TP53BP2: variants seen among roughly 807,000 people sequenced by gnomAD.
The protein encoded by TP53BP2 is tumor protein p53 binding protein 2, also known as apoptosis-stimulating of p53 protein 2.
In TP53BP2, 62 loss-of-function variants were observed where a neutral mutation model predicts 126.2. That is an observed-to-expected ratio of 0.49 (90% CI 0.40 to 0.61). The LOEUF (loss-of-function observed/expected upper bound fraction) is 0.61. Ranked by LOEUF, TP53BP2 falls within the 20% of genes least tolerant of loss-of-function variation. TP53BP2 has a pLI of 0.00. For missense variants in TP53BP2, 1,215 were observed against 1,402.8 expected, an observed-to-expected ratio of 0.87 and a Z score of 2.14; for synonymous variants, 485 against 502.9, an observed-to-expected ratio of 0.96 and a Z score of 0.48.
chr1:223,782,888 T>C (rs192601379), intron 17 of TP53BP2, among the ~76,000 whole-genome samples: 25 of 152,308 alleles, frequency 1.6e-4, no homozygotes, highest in Admixed American at 5.2e-4. Flanking sequence ...GAAATGGTTA[T>C]TTCATAATAA....
Position 223,814,351 on chromosome 1 carries a change from G to A in TP53BP2, c.178C>T (p.Arg60Cys), listed in dbSNP as rs771266375. Residue 60 changes from arginine to cysteine, a missense_variant and splice_region_variant, in exon 3 of 18, where the codon CGT (arginine) becomes TGT (cysteine). This residue lies in a region of TP53BP2 where 814 missense variants were observed against 853.0 expected (regional missense o/e 0.95). Transcript: ENST00000343537. ...HLAEVWCGSERPVADNERMFD... is the reference protein window; with the variant it reads ...HLAEVWCGSECPVADNERMFD... Reference sequence around the variant, plus strand: ...ATTCGCTCATTATCCGCAACTGGACGTTCTAAAGCAAATGAGTAGAAACCA... The same window carrying A: ...ATTCGCTCATTATCCGCAACTGGACATTCTAAAGCAAATGAGTAGAAACCA... 3.2e-5 allele frequency: 52 copies of A among 1,608,030 alleles called. 2 individuals carry two copies. In the South Asian group the frequency reaches 5.1e-4, roughly 16 times the overall value.
chr1:223,799,893 AG>A lies in TP53BP2; in HGVS notation c.1485+5del. On this transcript the variant is annotated splice_donor_5th_base_variant and intron_variant, in intron 11 of 17. Coordinates refer to ENST00000343537, the MANE Select transcript of TP53BP2 (RefSeq NM_001031685.3). ...AAATTTTAAAAACCAGGATATTTGT[AG>A]GTACCTGAGCATCCCGCAAGATATC... is the stretch of plus-strand genomic sequence containing the variant. 2.6e-6 allele frequency: 4 copies of A among 1,568,090 alleles called. No individual in the cohort carries two copies. The highest frequency in any genetic ancestry group is 3.4e-6 in the Non-Finnish European group (4 of 1,164,828).
intron 1 of TP53BP2, among the ~76,000 whole-genome samples, chr1:223,828,860 G>T (rs993661995): frequency 2.0e-5 from 3 of 152,082 alleles, no homozygotes; most frequent in Non-Finnish European, 4.4e-5. Context: ...AAAGGTATGG[G>T]GTTTCTTTCT....
intron 16 of TP53BP2, among the ~76,000 whole-genome samples, 199 bp from the exon 17 acceptor site, chr1:223,784,513 G>A (rs1661883583): frequency 1.3e-5 from 2 of 152,042 alleles, no homozygotes; most frequent in Admixed American, 1.3e-4. Flanking sequence ...AACATACAAA[G>A]GACACATTAC....
intron 3 of TP53BP2, 85 bp from the exon 4 acceptor site, chr1:223,810,598 A>G (rs959831846): frequency 4.3e-5 from 39 of 914,010 alleles, no homozygotes; most frequent in Non-Finnish European, 5.9e-5. Flanking sequence ...TTCTGTCATT[A>G]CTGTTTGATA....
chr1:223,785,762 T>C (rs1205599226), intron 16 of TP53BP2, among the ~76,000 whole-genome samples: 3 of 152,234 alleles, frequency 2.0e-5, no homozygotes, highest in African/African-American at 7.2e-5. Flanking sequence ...TAGATTACTT[T>C]TTAAAAAATT....
rs1460177660 is a variant in TP53BP2, at chr1:223,808,496, G to A, written c.373-1549C>T. On this transcript the variant is annotated intron_variant, in intron 4 of 17. Transcript: ENST00000343537. ...GTGGAGGTTGCAGTGAGCCGAGATC[G>A]CGCCACTGCACTCCAGCCTAGGCGA... Among the ~76,000 whole-genome samples, 30 of 150,340 alleles carry A rather than the reference G, an allele frequency of 2.0e-4. 1 individual carries two copies. The highest frequency in any genetic ancestry group is 4.2e-4 in the South Asian group (2 of 4,774).
chr1:223,801,294 A>G (rs1019345757), intron 9 of TP53BP2, among the ~76,000 whole-genome samples: 3 of 152,236 alleles, frequency 2.0e-5, no homozygotes, highest in Non-Finnish European at 4.4e-5. Context: ...TTTTCCTTAC[A>G]GAAACAAAGC....
At chr1:223,813,763 C>T (rs1662992557) in intron 3 of TP53BP2, among the ~76,000 whole-genome samples, 1 of 152,056 alleles carries the variant, frequency 6.6e-6, no homozygotes, top group Non-Finnish European at 1.5e-5. Context: ...CCCTAGTAAG[C>T]CCTCTCTCCT....
intron 15 of TP53BP2, 29 bp from the exon 16 acceptor site, chr1:223,789,203 T>C: frequency 6.2e-7 from 1 of 1,610,988 alleles, no homozygotes; most frequent in Middle Eastern, 1.7e-4. Context: ...GGGCTAGAAC[T>C]GTTTTCCTAA....
intron 2 of TP53BP2, among the ~76,000 whole-genome samples, chr1:223,814,951 C>G (rs1191039817): frequency 6.6e-6 from 1 of 151,884 alleles, no homozygotes; most frequent in Admixed American, 6.6e-5. Flanking sequence ...TTTCTGGAAA[C>G]AAAAAGAAGG....
At chr1:223,789,199 G>C (rs1252034168) in intron 15 of TP53BP2, 25 bp from the exon 16 acceptor site, 1 of 1,611,910 alleles carries the variant, frequency 6.2e-7, no homozygotes, top group African/African-American at 1.3e-5. Flanking sequence ...ACGAGGGCTA[G>C]AACTGTTTTC....
rs1160622935 is a variant in TP53BP2 at position 223,821,353 on chromosome 1, C to T, written c.42G>A (p.Val14=). The T allele has an allele frequency of 6.2e-7, 1 of 1,613,910 alleles. No individual in the cohort carries two copies. The highest frequency in any genetic ancestry group is 8.5e-7 in the Non-Finnish European group (1 of 1,179,894). Residue 14 remains valine (V), a synonymous_variant, in exon 2 of 18, where the codon GTG becomes GTA. Transcript: ENST00000343537. ...GSKMMPMFLT[V]YLSNNEQHFT... ...AGTGCTGCTCATTGTTACTGAGATA[C>T]ACGGTAAGAAACATCTAAAAATTAA...
At chr1:223,803,758 A>T (rs937773631) in intron 6 of TP53BP2, among the ~76,000 whole-genome samples, 3 of 152,224 alleles carry the variant, frequency 2.0e-5, no homozygotes, top group Non-Finnish European at 4.4e-5. Flanking sequence ...GGATCTATTA[A>T]ACCACAAACA....
rs757732415 is a variant in TP53BP2, at chr1:223,821,252, T to C, written c.143A>G (p.Asp48Gly). Residue 48 changes from aspartate (D) to glycine (G), a missense_variant, in exon 2 of 18, where the codon GAT (aspartate) becomes GGT (glycine). Transcript: ENST00000343537. ...VDLCKEPGESDCHLAEVWCGS... is the reference protein window; with the variant it reads ...VDLCKEPGESGCHLAEVWCGS... ...ACACCACACTTCAGCCAAATGGCAATCACTCTCGCCGGGTTCTTTGCACAG... is the reference window on the plus strand; with the variant it reads ...ACACCACACTTCAGCCAAATGGCAACCACTCTCGCCGGGTTCTTTGCACAG... The C allele has an allele frequency of 6.2e-7, 1 of 1,614,044 alleles. No individual in the cohort carries two copies. Among genetic ancestry groups the C allele is most frequent in the South Asian group, 1.1e-5 (1 of 91,084 alleles).
intron 4 of TP53BP2, among the ~76,000 whole-genome samples, chr1:223,809,078 A>G (rs956941362): frequency 6.6e-6 from 1 of 152,126 alleles, no homozygotes; most frequent in African/African-American, 2.4e-5. Flanking sequence ...AAGATATAAT[A>G]TATCTCTTTA....
At chr1:223,781,829 AC>A (rs2102825756) in intron 17 of TP53BP2, among the ~76,000 whole-genome samples, 1 of 152,284 alleles carries the variant, frequency 6.6e-6, no homozygotes, top group South Asian at 2.1e-4. Context: ...AGGAAAACAA[AC>A]CAAAAAAGTG....
intron 1 of TP53BP2, among the ~76,000 whole-genome samples, chr1:223,839,775 G>GA (rs1033355893): frequency 5.9e-5 from 9 of 151,590 alleles, no homozygotes; most frequent in South Asian, 2.1e-4. Context: ...ACTAAAAATA[G>GA]AAAAAAAAAT....
At chr1:223,789,432 G>A (rs1229743320) in intron 15 of TP53BP2, among the ~76,000 whole-genome samples, 3 of 152,158 alleles carry the variant, frequency 2.0e-5, no homozygotes, top group Non-Finnish European at 2.9e-5. Flanking sequence ...AATCAAGGAC[G>A]TGAATAAACA....
Sources: gnomAD v4.1 joint callset for allele counts (sites outside exome capture counted in the v4.1 genomes callset) on GRCh38, gnomAD v4.1.1 for gene constraint, gnomAD v4.1.1 regional missense constraint, MANE v1.5 for transcripts, NCBI Gene and HGNC (gene_info 2026-07-23, HGNC 2026-07-21) for gene names.